The following SLC30A3 variants were observed in gnomAD, a reference collection of about 807,000 sequenced individuals.
SLC30A3 encodes solute carrier family 30 member 3.
Under a neutral mutation model 35.6 loss-of-function variants are expected in SLC30A3, and 20 were observed. The observed-to-expected ratio is 0.56, with a 90% CI of 0.39 to 0.82. SLC30A3 has a LOEUF of 0.82. SLC30A3 is among the 40% of genes least tolerant of loss of function. The probability of loss-of-function intolerance (pLI) is 0.00; values close to 1 mark genes in which losing one functional copy is unlikely to be tolerated. For synonymous variants in SLC30A3, 217 were observed against 224.7 expected, an observed-to-expected ratio of 0.97 and a Z score of 0.31; for missense variants, 401 against 530.6, an observed-to-expected ratio of 0.76 and a Z score of 2.40.
chr2:27,255,524 T>C lies in SLC30A3; in HGVS notation c.1019-64A>G, dbSNP rs1572465999. ...GAGAAAGAACAGGCAGGGACTGAGA[T>C]AAGGACAGGGAAAGGGGCTGCACAG... On this transcript the variant is annotated intron_variant, in intron 7 of 7. Coordinates refer to ENST00000233535, the MANE Select transcript of SLC30A3 (RefSeq NM_003459.5). The surrounding 1 kb of genome is among the most constrained non-coding windows in gnomAD (Gnocchi z 5.2). 2 of 1,570,650 alleles carry C rather than the reference T, an allele frequency of 1.3e-6. No individual in the cohort carries two copies. The highest frequency in any genetic ancestry group is 2.3e-5 in the East Asian group (1 of 44,114).
chr2:27,263,248 C>T, upstream of SLC30A3: 1 of 545,880 alleles, frequency 1.8e-6, no homozygotes, highest in East Asian at 6.0e-5. Flanking sequence ...CTCATCTCCA[C>T]AGCCCCGTCC....
intron 1 of SLC30A3, among the ~76,000 whole-genome samples, chr2:27,274,192 G>T (rs1360328987): frequency 6.6e-6 from 1 of 152,218 alleles, no homozygotes; most frequent in Admixed American, 6.5e-5. Flanking sequence ...AGGCGTGGTG[G>T]CAGGCACCTG....
At chr2:27,265,497 C>A (rs117185257), upstream of SLC30A3, among the ~76,000 whole-genome samples, 35 of 152,342 alleles carry the variant, frequency 2.3e-4, no homozygotes, top group East Asian at 6.6e-3. The surrounding 1 kb of genome is among the most constrained non-coding windows in gnomAD (Gnocchi z 5.9). Flanking sequence ...AGGATTTAAT[C>A]TGGGCTGGAG....
upstream of SLC30A3, among the ~76,000 whole-genome samples, chr2:27,265,200 G>C (rs894841284): frequency 2.6e-5 from 4 of 152,246 alleles, no homozygotes; most frequent in Non-Finnish European, 5.9e-5. This position sits in a 1 kb window ranked among gnomAD's most constrained non-coding sequence, Gnocchi z 5.9. Flanking sequence ...AGTGCCAGGA[G>C]GGGGCGCAGA....
chr2:27,259,519 G>C (rs1420701178), intron 1 of SLC30A3, among the ~76,000 whole-genome samples: 5 of 151,106 alleles, frequency 3.3e-5, no homozygotes, highest in African/African-American at 1.2e-4. Flanking sequence ...ATGGGGTCTT[G>C]CTCTGTTGCC....
rs1454070626 is a variant in SLC30A3 at position 27,273,049 on chromosome 2, A to ATAT, written c.-159+2127_-159+2128insATA. Among the ~76,000 whole-genome samples, 960 of 135,232 alleles carry ATAT rather than the reference A, an allele frequency of 7.1e-3. 8 individuals are homozygous for ATAT. Among genetic ancestry groups the ATAT allele is most frequent in the African/African-American group, 0.017 (590 of 34,434 alleles). The allele number at this position is 135,232 out of a possible 152,430, so 88.7% of individuals were successfully genotyped here. ...TAAGACCTTGTCTCAAAAAAAAAAA[A>ATAT]AAATATATATATATATATGGATAGA... On this transcript the variant is annotated intron_variant, in intron 1 of 5. Transcript: ENST00000424577.
In SLC30A3 at chr2:27,257,316, G is replaced by A. The variant is rs1676920912; in HGVS notation, c.615C>T (p.His205=). ...ACTCTGCTCCCCTAGACCCGTGGCT[G>A]TGGGGGGGCCCAGCCTGGTGCAGCA... ...AFVLHQAGPP[H]SHGSRGAEYA... The change falls in exon 5 of 8, where the codon CAC becomes CAT. Residue 205 remains histidine, a synonymous_variant. Coordinates refer to ENST00000233535, the MANE Select transcript of SLC30A3 (RefSeq NM_003459.5). The surrounding 1 kb of genome is among the most constrained non-coding windows in gnomAD (Gnocchi z 4.7). 1.9e-6 allele frequency: 3 copies of A among 1,613,518 alleles called. No individual in the cohort carries two copies. The highest frequency in any genetic ancestry group is 2.5e-6 in the Non-Finnish European group (3 of 1,179,806).
At chr2:27,269,212 T>C (rs1416797664) in intron 1 of SLC30A3, among the ~76,000 whole-genome samples, 4 of 148,736 alleles carry the variant, frequency 2.7e-5, no homozygotes, top group South Asian at 2.1e-4. Flanking sequence ...TTCTTTCTTT[T>C]TTTTTTTTTT....
chr2:27,275,505 A>C (rs1677981079), upstream of SLC30A3: 1 of 330,164 alleles, frequency 3.0e-6, no homozygotes, highest in South Asian at 2.4e-5. Flanking sequence ...GAAGTTTCAC[A>C]CCCAAAAGGA....
rs1158641647 is a variant in SLC30A3 at position 27,275,224 on chromosome 2, T to A, written c.-206A>T. 4 of 1,303,814 alleles carry A rather than the reference T, an allele frequency of 3.1e-6. No individual in the cohort carries two copies. In the Admixed American group the frequency reaches 6.9e-5, roughly 22 times the overall value. 80.8% of individuals were successfully genotyped at this position (1,303,814 alleles called of 1,614,324 possible). On this transcript the variant is annotated 5_prime_UTR_variant, in exon 1 of 6. Transcript: ENST00000424577. ...AACCCATTGTGTTTCCTGGAGTGAG[T>A]TGGGCCATCAAGATGGGTGGTGCCC...
Position 27,262,929 on chromosome 2 carries a change from A to G in SLC30A3, c.-23T>C. 6.5e-7 allele frequency: 1 copy of G among 1,532,790 alleles called. No homozygotes were observed. The highest frequency in any genetic ancestry group is 8.7e-7 in the Non-Finnish European group (1 of 1,149,640). The allele number at this position is 1,532,790 out of a possible 1,614,324, so 94.9% of individuals were successfully genotyped here. ...CATGTTCCCGGTGCCCCGACCGTCT[A>G]GGCCCCACCGAGGAAGAGAGAGGCC... On this transcript the variant is annotated 5_prime_UTR_variant, in exon 1 of 8. Coordinates refer to ENST00000233535, the MANE Select transcript of SLC30A3 (RefSeq NM_003459.5). This position sits in a 1 kb window ranked among gnomAD's most constrained non-coding sequence, Gnocchi z 7.5.
At chr2:27,256,225 CAT>C (rs1491564833) in intron 7 of SLC30A3, 159 bp downstream of exon 7, 14 of 775,074 alleles carry the variant, frequency 1.8e-5, no homozygotes, top group Middle Eastern at 2.9e-4. Context: ...AGCGCACGTG[CAT>C]GTGTGTGTGT....
chr2:27,259,743 G>A (rs1242993122), intron 1 of SLC30A3, among the ~76,000 whole-genome samples: 1 of 152,176 alleles, frequency 6.6e-6, no homozygotes, highest in Non-Finnish European at 1.5e-5. Context: ...TGCTAGAGCT[G>A]AGACTAGACC....
At position 27,255,697 on chromosome 2, in the gene SLC30A3, A is replaced by G. The variant is rs1305576765; in HGVS notation, c.1019-237T>C. The stretch of plus-strand genomic sequence containing the variant: ...TTCCAGTCTCCTATTCTCTCCTGTC[A>G]TTAAGTGTCAACATACAGCTCAACA... On this transcript the variant is annotated intron_variant, in intron 7 of 7. Coordinates refer to ENST00000233535, the MANE Select transcript of SLC30A3 (RefSeq NM_003459.5). The surrounding 1 kb of genome is among the most constrained non-coding windows in gnomAD (Gnocchi z 5.2). The G allele has an allele frequency of 1.3e-5, 7 of 531,350 alleles. No homozygotes were observed. The highest frequency in any genetic ancestry group is 3.8e-5 in the African/African-American group (2 of 51,990). 32.9% of individuals were successfully genotyped at this position (531,350 alleles called of 1,614,324 possible). A position where few individuals can be genotyped will look rare whatever the true frequency, so the allele number is the denominator to read the frequency against.
intron 1 of SLC30A3, among the ~76,000 whole-genome samples, chr2:27,269,785 G>A (rs530676064): frequency 6.6e-6 from 1 of 152,000 alleles, no homozygotes; most frequent in Non-Finnish European, 1.5e-5. Flanking sequence ...TTGAACCCGG[G>A]AGGCAGAGGT....
chr2:27,271,572 T>G lies in SLC30A3; in HGVS notation c.-159+3605A>C, dbSNP rs1357802395. 6.6e-6 allele frequency among the ~76,000 whole-genome samples: 1 copy of G among 152,240 alleles called. No individual in the cohort carries two copies. Among genetic ancestry groups the G allele is most frequent in the Non-Finnish European group, 1.5e-5 (1 of 68,044 alleles). On this transcript the variant is annotated intron_variant, in intron 1 of 5. Coordinates refer to the SLC30A3 transcript ENST00000424577. This position sits in a 1 kb window ranked among gnomAD's most constrained non-coding sequence, Gnocchi z 4.3. ...AAAAATAGACTCAGAGATGAAATGA[T>G]TTGTCTAAGATCACACAGCCTGTGA...
In SLC30A3 at chr2:27,262,870, T is replaced by C. The variant is rs368654464; in HGVS notation, c.37A>G (p.Thr13Ala). ...PSPAAGGLET[T>A]RLVSPRDRGG... ...CGGTCCCGGGGGCTCACCAGGCGAGTGGTCTCCAAGCCCCCAGCGGCTGGA... is the reference window on the plus strand; with the variant it reads ...CGGTCCCGGGGGCTCACCAGGCGAGCGGTCTCCAAGCCCCCAGCGGCTGGA... The change falls in exon 1 of 8, where the codon ACT (threonine) becomes GCT (alanine). Residue 13 changes from threonine to alanine, a missense_variant. Physicochemically the swap from Thr to Ala is moderately conservative, Grantham distance 58 (BLOSUM62 0). This residue lies in a region of SLC30A3 where 103 missense variants were observed against 120.7 expected (regional missense o/e 0.85). Transcript: ENST00000233535. The surrounding 1 kb of genome is among the most constrained non-coding windows in gnomAD (Gnocchi z 7.5). The C allele has an allele frequency of 3.2e-6, 5 of 1,563,786 alleles. No homozygotes were observed. The highest frequency in any genetic ancestry group is 4.3e-6 in the Non-Finnish European group (5 of 1,160,432).
rs1433430026 is a variant in SLC30A3, at chr2:27,257,429, C to T, written c.579-77G>A. 3 of 1,350,752 alleles carry T rather than the reference C, an allele frequency of 2.2e-6. No individual in the cohort carries two copies. The highest frequency in any genetic ancestry group is 2.6e-5 in the South Asian group (2 of 78,336). The allele number at this position is 1,350,752 out of a possible 1,614,324, so 83.7% of individuals were successfully genotyped here. A position where few individuals can be genotyped will look rare whatever the true frequency, so the allele number is the denominator to read the frequency against. On this transcript the variant is annotated intron_variant, in intron 4 of 7. Coordinates refer to ENST00000233535, the MANE Select transcript of SLC30A3 (RefSeq NM_003459.5). This position sits in a 1 kb window ranked among gnomAD's most constrained non-coding sequence, Gnocchi z 4.7. ...TACCCCCATCTCCATGTCTCACCTC[C>T]CCAGTAGCCCTTTCCCAGCCCCTGG...
At chr2:27,264,238 C>T (rs987816626), upstream of SLC30A3, 8 of 411,614 alleles carry the variant, frequency 1.9e-5, no homozygotes, top group African/African-American at 1.6e-4. The surrounding 1 kb of genome is among the most constrained non-coding windows in gnomAD (Gnocchi z 6.1). Flanking sequence ...AACTCATCAG[C>T]CGCATCCTTC....
Sources: gnomAD v4.1 joint callset for allele counts (sites outside exome capture counted in the v4.1 genomes callset) on GRCh38, gnomAD v4.1.1 for gene constraint, gnomAD v4.1.1 regional missense constraint, Gnocchi (gnomAD v3.1) non-coding constraint, MANE v1.5 for transcripts, NCBI Gene and HGNC (gene_info 2026-07-23, HGNC 2026-07-21) for gene names.